The following PLCH2 variants were observed in gnomAD, a reference collection of about 807,000 sequenced individuals.
PLCH2 encodes 1-phosphatidylinositol 4,5-bisphosphate phosphodiesterase eta-2.
In PLCH2, 98 loss-of-function variants were observed where a neutral mutation model predicts 134.7. That is an observed-to-expected ratio of 0.73 (90% CI 0.62 to 0.86). PLCH2 has a LOEUF of 0.86. PLCH2 is among the 40% of genes least tolerant of loss of function. PLCH2 has a pLI of 0.00. For missense variants in PLCH2, 1,994 were observed against 1,986.6 expected (o/e 1.00, Z -0.07); for synonymous variants, 974 against 827.5 (o/e 1.18, Z -3.04).
At chr1:2,494,971 G>C (rs1642799451) in intron 12 of PLCH2, 23 bp downstream of exon 12, 4 of 1,538,990 alleles carry the variant, frequency 2.6e-6, no homozygotes, top group Non-Finnish European at 3.5e-6. Context: ...TCCCAGGCCA[G>C]GGTCCCGGTC....
At chr1:2,502,068 G>A (rs1322409695) in intron 20 of PLCH2, 44 bp from the exon 21 acceptor site, 4 of 1,408,128 alleles carry the variant, frequency 2.8e-6, no homozygotes, top group Admixed American at 3.0e-5. Flanking sequence ...CTGCAGCTGG[G>A]CTGGGACCCC....
upstream of PLCH2, among the ~76,000 whole-genome samples, chr1:2,465,715 C>T (rs894162129): frequency 1.4e-4 from 22 of 152,218 alleles, no homozygotes; most frequent in Admixed American, 3.3e-4. Flanking sequence ...TTTTAATCAC[C>T]GCCTTTAATC....
chr1:2,457,012 T>A (rs1640529133), intron 2 of PLCH2, among the ~76,000 whole-genome samples: 1 of 152,094 alleles, frequency 6.6e-6, no homozygotes, highest in African/African-American at 2.4e-5. Context: ...CATCTCCATT[T>A]TCAAAGGGGC....
chr1:2,498,675 G>C lies in PLCH2; in HGVS notation c.2349+28G>C. On this transcript the variant is annotated intron_variant, in intron 17 of 21. Coordinates refer to ENST00000378486, the MANE Select transcript of PLCH2 (RefSeq NM_014638.4). The surrounding 1 kb of genome is among the most constrained non-coding windows in gnomAD (Gnocchi z 5.4). Reference sequence around the variant, plus strand: ...GGGGGCCAGCCCCACACAGGCGGGAGGGGTGGGAGTTGGGGGCGGGCCGGG... The same window carrying C: ...GGGGGCCAGCCCCACACAGGCGGGACGGGTGGGAGTTGGGGGCGGGCCGGG... The C allele has an allele frequency of 6.5e-7, 1 of 1,535,176 alleles. No individual in the cohort carries two copies. The highest frequency in any genetic ancestry group is 8.8e-7 in the Non-Finnish European group (1 of 1,130,650).
In PLCH2 at chr1:2,505,391, G is replaced by T; in HGVS notation, c.*178G>T. On this transcript the variant is annotated 3_prime_UTR_variant, in exon 22 of 22. Transcript: ENST00000378486. Reference sequence around the variant, plus strand: ...CCGGGGAGGAAAGGCTAAAGCTGCTGGCCCGGGGCCCACAGGAGGGGCTTC... The same window carrying T: ...CCGGGGAGGAAAGGCTAAAGCTGCTTGCCCGGGGCCCACAGGAGGGGCTTC... 2 of 584,120 alleles carry T rather than the reference G, an allele frequency of 3.4e-6. No homozygotes were observed. Among genetic ancestry groups the T allele is most frequent in the South Asian group, 4.2e-5 (2 of 47,898 alleles). The allele number at this position is 584,120 out of a possible 1,614,324, so 36.2% of individuals were successfully genotyped here. A position where few individuals can be genotyped will look rare whatever the true frequency, so the allele number is the denominator to read the frequency against.
the PLCH2 span, among the ~76,000 whole-genome samples, chr1:2,419,969 C>G: frequency 6.6e-5 from 10 of 151,078 alleles, no homozygotes; most frequent in South Asian, 2.1e-4. Context: ...AAGTCCCCCC[C>G]CCACCCCCAG....
At chr1:2,421,970 T>C (rs1638537849), upstream of PLCH2, among the ~76,000 whole-genome samples, 1 of 139,096 alleles carries the variant, frequency 7.2e-6, no homozygotes, top group African/African-American at 2.7e-5. Flanking sequence ...CAAGACTTTA[T>C]CTCAAAAAAA....
intron 21 of PLCH2, chr1:2,502,926 C>A (rs1359133749): frequency 1.4e-6 from 1 of 717,220 alleles, no homozygotes. Flanking sequence ...CCCCTCTTGC[C>A]CTGCGTGGTC....
intron 1 of PLCH2, chr1:2,467,690 G>A: frequency 2.5e-6 from 1 of 406,148 alleles, no homozygotes; most frequent in Non-Finnish European, 4.4e-6. Flanking sequence ...ATCCCAGAAG[G>A]GGGTTGTGAT....
chr1:2,484,948 G>A (rs1408052372), intron 5 of PLCH2, among the ~76,000 whole-genome samples: 2 of 152,156 alleles, frequency 1.3e-5, no homozygotes, highest in Admixed American at 6.5e-5. Context: ...TGAACACCCT[G>A]CGCCTCCCAC....
chr1:2,444,581 C>T lies in PLCH2; in HGVS notation c.115+13952C>T, dbSNP rs957241165. ...GGGGTCTCCTGGGCTCTGGACCTGCCGGCAGAGCTACAGGGTATTCTTTAG... is the reference window on the plus strand; with the variant it reads ...GGGGTCTCCTGGGCTCTGGACCTGCTGGCAGAGCTACAGGGTATTCTTTAG... On this transcript the variant is annotated intron_variant, in intron 2 of 3. Coordinates refer to the PLCH2 transcript ENST00000609981. The surrounding 1 kb of genome is among the most constrained non-coding windows in gnomAD (Gnocchi z 4.6). Among the ~76,000 whole-genome samples the T allele has an allele frequency of 5.3e-5, 8 of 152,258 alleles. No homozygotes were observed. The South Asian group carries it at 6.2e-4, about 12-fold the overall frequency.
chr1:2,489,804 C>T lies in PLCH2; in HGVS notation c.1452C>T (p.Gly484=), dbSNP rs191681843. Residue 484 remains glycine (G), a synonymous_variant, in exon 10 of 22, where the codon GGC becomes GGT. Transcript: ENST00000378486. ...ACATCAGCGAGGATGCGGAGGAAGG[C>T]GAGGTGTCTGATGAGGACAGTGCTG... ...PANISEDAEE[G]EVSDEDSADE... 17 of 1,613,686 alleles carry T rather than the reference C, an allele frequency of 1.1e-5. No individual in the cohort carries two copies. Among genetic ancestry groups the T allele is most frequent in the Middle Eastern group, 1.6e-4 (1 of 6,062 alleles).
chr1:2,462,057 TC>T (rs1640829241), intron 2 of PLCH2, among the ~76,000 whole-genome samples: 1 of 57,518 alleles, frequency 1.7e-5, no homozygotes, highest in African/African-American at 7.2e-5. Context: ...GCCTGACACC[TC>T]CTCCACCTGA....
At chr1:2,497,951 C>G (rs891865908) in intron 16 of PLCH2, 1 of 315,574 alleles carries the variant, frequency 3.2e-6, no homozygotes, top group African/African-American at 2.1e-5. Flanking sequence ...CTGTGGGTCT[C>G]AGGACCTGGG....
At chr1:2,427,659 G>T (rs867972173) in intron 1 of PLCH2, among the ~76,000 whole-genome samples, 6 of 152,208 alleles carry the variant, frequency 3.9e-5, no homozygotes, top group Admixed American at 3.9e-4. Flanking sequence ...GAGGATGTCA[G>T]AGGAGCAGGC....
chr1:2,469,457 G>C (rs1641223256), intron 1 of PLCH2, among the ~76,000 whole-genome samples: 1 of 152,204 alleles, frequency 6.6e-6, no homozygotes. Flanking sequence ...CAGTGTCCTG[G>C]GTCCAGCCCT....
Position 2,494,881 on chromosome 1 carries a change from C to G in PLCH2, c.1685C>G (p.Ser562Cys), listed in dbSNP as rs762380020. Reference protein sequence around the residue: ...RKSKAEEDVESGEDAGASRRN... With the variant: ...RKSKAEEDVECGEDAGASRRN... ...AGCAAGGCTGAAGAGGACGTGGAGT[C>G]TGGGGAGGATGCCGGGGCCAGCAGA... is the stretch of plus-strand genomic sequence containing the variant. The change falls in exon 12 of 22, where the codon TCT becomes TGT. Residue 562 changes from serine (S) to cysteine (C), a missense_variant. Physicochemically the swap from Ser to Cys is moderately radical, Grantham distance 112. Around this residue, in one of 2 missense-constraint regions of PLCH2, gnomAD observed 1,094 missense variants for 1,234.3 expected, o/e 0.89. Coordinates refer to ENST00000378486, the MANE Select transcript of PLCH2 (RefSeq NM_014638.4). 69 of 1,606,934 alleles carry G rather than the reference C, an allele frequency of 4.3e-5. No homozygotes were observed. Among genetic ancestry groups the G allele is most frequent in the Non-Finnish European group, 5.6e-5 (66 of 1,177,508 alleles).
chr1:2,463,551 C>T (rs983719438), upstream of PLCH2, among the ~76,000 whole-genome samples: 1 of 152,232 alleles, frequency 6.6e-6, no homozygotes, highest in Non-Finnish European at 1.5e-5. Flanking sequence ...AACCGAGGCA[C>T]CCCACGAAGG....
chr1:2,445,901 C>A (rs1337974512), intron 2 of PLCH2, among the ~76,000 whole-genome samples: 17 of 152,202 alleles, frequency 1.1e-4, no homozygotes, highest in Non-Finnish European at 2.4e-4. Context: ...TGTTACTCTG[C>A]GCCTAATAGG....
Sources: allele counts gnomAD v4.1 joint callset (sites outside exome capture counted in the v4.1 genomes callset), GRCh38; gene constraint gnomAD v4.1.1; regional missense constraint gnomAD v4.1.1; non-coding constraint Gnocchi (gnomAD v3.1); transcripts MANE v1.5; gene names NCBI Gene and HGNC (gene_info 2026-07-23, HGNC 2026-07-21).